MKX: variants seen among roughly 807,000 people sequenced by gnomAD.
The protein encoded by MKX is homeobox protein Mohawk.
In MKX, 13 loss-of-function variants were observed where a neutral mutation model predicts 36.0. The ratio of observed to expected loss-of-function variants is 0.36; its 90% confidence interval spans 0.24 to 0.57. MKX has a LOEUF of 0.57. MKX is among the 20% of genes least tolerant of loss of function. The pLI, the probability that MKX is intolerant of heterozygous loss-of-function variation, is 0.79. For synonymous variants in MKX, 176 were observed against 178.3 expected, an observed-to-expected ratio of 0.99 and a Z score of 0.10; for missense variants, 458 against 456.4, an observed-to-expected ratio of 1.00 and a Z score of -0.03.
chr10:27,728,752 A>T (rs1834551369), intron 5 of MKX, among the ~76,000 whole-genome samples: 1 of 152,224 alleles, frequency 6.6e-6, no homozygotes. Context: ...ATACCAGCTT[A>T]AATTTTAAGG....
At position 27,685,241 on chromosome 10, in the gene MKX, A is replaced by G. The variant is rs575968332; in HGVS notation, c.839-9687T>C. 3.2e-3 allele frequency among the ~76,000 whole-genome samples: 489 copies of G among 152,284 alleles called. 2 individuals carry two copies. Among genetic ancestry groups the G allele is most frequent in the African/African-American group, 0.011 (465 of 41,568 alleles). On this transcript the variant is annotated intron_variant, in intron 5 of 6. Coordinates refer to ENST00000419761, the MANE Select transcript of MKX (RefSeq NM_173576.3). ...GCAAGGCTTAATGCATTGTATATGA[A>G]AGCCTATGGCAACAGAACCTATTAA... is the stretch of plus-strand genomic sequence containing the variant.
chr10:27,706,422 G>A (rs1054978801), intron 5 of MKX, among the ~76,000 whole-genome samples: 1 of 152,076 alleles, frequency 6.6e-6, no homozygotes, highest in Non-Finnish European at 1.5e-5. Flanking sequence ...TGGATCATAT[G>A]TCAACTCTAT....
In MKX at chr10:27,741,527, G is replaced by A. The variant is rs1278361910; in HGVS notation, c.189-23C>T. Reference sequence around the variant, plus strand: ...GCGCTGGGACATGGGGAGAGGAGGCGGCCCTGGTGAGCGACGCGTTTGCCC... The same window carrying A: ...GCGCTGGGACATGGGGAGAGGAGGCAGCCCTGGTGAGCGACGCGTTTGCCC... On this transcript the variant is annotated intron_variant, in intron 2 of 6. Coordinates refer to ENST00000419761, the MANE Select transcript of MKX (RefSeq NM_173576.3). The surrounding 1 kb of genome is among the most constrained non-coding windows in gnomAD (Gnocchi z 5.1). 1.3e-6 allele frequency: 2 copies of A among 1,552,374 alleles called. No individual in the cohort carries two copies. The highest frequency in any genetic ancestry group is 4.7e-5 in the East Asian group (2 of 42,862).
chr10:27,735,146 C>T, intron 4 of MKX, 75 bp downstream of exon 4: 1 of 1,393,498 alleles, frequency 7.2e-7, no homozygotes, highest in Non-Finnish European at 9.5e-7. Context: ...GTGAGAGCAA[C>T]CTTAAAAATA....
At chr10:27,743,923 A>C (rs1231995225) in intron 1 of MKX, among the ~76,000 whole-genome samples, 1 of 152,052 alleles carries the variant, frequency 6.6e-6, no homozygotes, top group Non-Finnish European at 1.5e-5. Flanking sequence ...AGGAACCCCA[A>C]CTCGGGGCGT....
chr10:27,717,659 AG>A (rs1836989151), intron 5 of MKX, among the ~76,000 whole-genome samples: 1 of 152,242 alleles, frequency 6.6e-6, no homozygotes. Context: ...CCCTATTCCC[AG>A]GGAAAGCCTG....
Position 27,696,092 on chromosome 10 carries a change from A to T in MKX, c.839-20538T>A, listed in dbSNP as rs148428545. On this transcript the variant is annotated intron_variant, in intron 5 of 6. Coordinates refer to ENST00000419761, the MANE Select transcript of MKX (RefSeq NM_173576.3). ...TAAACACCCTTGTTTACTGCTAATC[A>T]GTACAAACTTAACCACACTCTATTC... 3.4e-3 allele frequency among the ~76,000 whole-genome samples: 518 copies of T among 152,296 alleles called. 4 individuals carry two copies. Among genetic ancestry groups the T allele is most frequent in the African/African-American group, 0.012 (489 of 41,578 alleles).
intron 5 of MKX, among the ~76,000 whole-genome samples, chr10:27,680,247 T>G (rs951691119): frequency 6.6e-6 from 1 of 151,946 alleles, no homozygotes; most frequent in African/African-American, 2.4e-5. Flanking sequence ...AATGCCTTTT[T>G]AGATTCCAAG....
At chr10:27,721,148 T>C (rs1268922459) in intron 5 of MKX, among the ~76,000 whole-genome samples, 6 of 152,062 alleles carry the variant, frequency 3.9e-5, no homozygotes, top group African/African-American at 1.2e-4. Flanking sequence ...AAACTAACAT[T>C]TAAAGTCAAT....
chr10:27,718,439 A>G lies in MKX; in HGVS notation c.838+16017T>C, dbSNP rs192884195. On this transcript the variant is annotated intron_variant, in intron 5 of 6. Coordinates refer to ENST00000419761, the MANE Select transcript of MKX (RefSeq NM_173576.3). ...ATTATTAAAATAACCCAAGTACAAA[A>G]GGGTAAAAAAGCAATATGAAGCATA... 1,919 of 209,986 alleles carry G rather than the reference A, an allele frequency of 9.1e-3. 8 individuals are homozygous for G. The highest frequency in any genetic ancestry group is 0.015 in the South Asian group (213 of 13,982). The allele number at this position is 209,986 out of a possible 1,614,324, so 13.0% of individuals were successfully genotyped here. A position where few individuals can be genotyped will look rare whatever the true frequency, so the allele number is the denominator to read the frequency against.
rs1316556882 is a variant in MKX, at chr10:27,742,409, C to T, written c.188+819G>A. Reference sequence around the variant, plus strand: ...TGAAATGCAATTCCACCCGAAACGACTGGTAGTAACATTTTGACGAAACCG... The same window carrying T: ...TGAAATGCAATTCCACCCGAAACGATTGGTAGTAACATTTTGACGAAACCG... On this transcript the variant is annotated intron_variant, in intron 2 of 6. Transcript: ENST00000419761. The surrounding 1 kb of genome is among the most constrained non-coding windows in gnomAD (Gnocchi z 4.2). Among the ~76,000 whole-genome samples, 1 of 152,308 alleles carries T rather than the reference C, an allele frequency of 6.6e-6. No homozygotes were observed.
At chr10:27,711,863 C>G (rs998254004) in intron 5 of MKX, among the ~76,000 whole-genome samples, 1 of 151,720 alleles carries the variant, frequency 6.6e-6, no homozygotes, top group Non-Finnish European at 1.5e-5. Flanking sequence ...CAGGCATGAA[C>G]AACTGTGTTC....
rs747233470 is a variant in MKX at position 27,743,303 on chromosome 10, T to G, written c.113A>C (p.His38Pro). 10 of 1,560,506 alleles carry G rather than the reference T, an allele frequency of 6.4e-6. No individual in the cohort carries two copies. In the South Asian group the frequency reaches 1.2e-4, roughly 19 times the overall value. Reference sequence around the variant, plus strand: ...GGGAATGCCCACCTCGGGGCGGGCGTGAGGACTGTCCAGGACACCGCTGTA... The same window carrying G: ...GGGAATGCCCACCTCGGGGCGGGCGGGAGGACTGTCCAGGACACCGCTGTA... ...RPYSGVLDSP[H>P]ARPEVGIPDG... is the part of the protein sequence containing the mutation. Residue 38 changes from histidine to proline, a missense_variant, in exon 2 of 7, where the codon CAC (histidine) becomes CCC (proline). Around this residue, in one of 3 missense-constraint regions of MKX, gnomAD observed 149 missense variants for 114.3 expected, o/e 1.30. Coordinates refer to ENST00000419761, the MANE Select transcript of MKX (RefSeq NM_173576.3).
chr10:27,731,052 T>A (rs1834615389), intron 5 of MKX, among the ~76,000 whole-genome samples: 1 of 149,034 alleles, frequency 6.7e-6, no homozygotes, highest in Non-Finnish European at 1.5e-5. Flanking sequence ...GAGAATTGCT[T>A]GAACTTGGGA....
chr10:27,705,457 C>A lies in MKX; in HGVS notation c.838+28999G>T, dbSNP rs186636939. Among the ~76,000 whole-genome samples, 40 of 152,204 alleles carry A rather than the reference C, an allele frequency of 2.6e-4. 1 individual carries two copies. The East Asian group carries it at 7.3e-3, about 28-fold the overall frequency. ...GCAGACTCAAACTTCTGGGCTCAAG[C>A]GATCCTACTGCCTCAGCCTCCTGAG... On this transcript the variant is annotated intron_variant, in intron 5 of 6. Coordinates refer to ENST00000419761, the MANE Select transcript of MKX (RefSeq NM_173576.3).
intron 5 of MKX, among the ~76,000 whole-genome samples, chr10:27,682,639 A>G (rs989886510): frequency 3.9e-5 from 6 of 152,122 alleles, no homozygotes; most frequent in African/African-American, 1.2e-4. Context: ...GTTTCAGGAT[A>G]AAACAGTTCC....
chr10:27,679,950 C>T (rs958567627), intron 5 of MKX, among the ~76,000 whole-genome samples: 4 of 152,030 alleles, frequency 2.6e-5, no homozygotes, highest in African/African-American at 7.3e-5. Context: ...CCACCACTGG[C>T]GGTCATAGGG....
At chr10:27,693,371 T>A (rs965006675) in intron 5 of MKX, among the ~76,000 whole-genome samples, 2 of 152,112 alleles carry the variant, frequency 1.3e-5, no homozygotes, top group Non-Finnish European at 1.5e-5. Context: ...CACCAGGCAT[T>A]CAAACTACAG....
intron 5 of MKX, among the ~76,000 whole-genome samples, chr10:27,705,000 C>A (rs1836723852): frequency 1.3e-5 from 2 of 152,110 alleles, no homozygotes; most frequent in African/African-American, 4.8e-5. Flanking sequence ...AAAACATTAT[C>A]CATCAGAGTC....
Sources: gnomAD v4.1 joint callset for allele counts (sites outside exome capture counted in the v4.1 genomes callset) on GRCh38, gnomAD v4.1.1 for gene constraint, gnomAD v4.1.1 regional missense constraint, Gnocchi (gnomAD v3.1) non-coding constraint, MANE v1.5 for transcripts, NCBI Gene and HGNC (gene_info 2026-07-23, HGNC 2026-07-21) for gene names.